Variants in AFG1L observed in about 807,000 individuals in gnomAD.
The protein encoded by AFG1L is AFG1 like ATPase.
Under a neutral mutation model 62.2 loss-of-function variants are expected in AFG1L, and 53 were observed. The observed-to-expected ratio is 0.85, with a 90% CI of 0.68 to 1.07. AFG1L has a LOEUF of 1.07. Among genes scored for constraint, AFG1L ranks in the 50% least tolerant of loss-of-function variants. The pLI is 0.00. For missense variants in AFG1L, 555 were observed against 590.5 expected, an observed-to-expected ratio of 0.94 and a Z score of 0.62; for synonymous variants, 228 against 210.3, an observed-to-expected ratio of 1.08 and a Z score of -0.73.
At chr6:108,485,765 G>C (rs1303370106) in intron 10 of AFG1L, among the ~76,000 whole-genome samples, 1 of 138,552 alleles carries the variant, frequency 7.2e-6, no homozygotes. Flanking sequence ...CAGCCCCCCA[G>C]GCTCAAGCAA....
At chr6:108,400,672 T>A (rs1781533606) in intron 6 of AFG1L, among the ~76,000 whole-genome samples, 1 of 103,032 alleles carries the variant, frequency 9.7e-6, no homozygotes, top group African/African-American at 3.8e-5. Context: ...ATAATTTATA[T>A]ATTATATATT....
chr6:108,517,550 T>C (rs929944631), intron 11 of AFG1L, among the ~76,000 whole-genome samples: 18 of 152,044 alleles, frequency 1.2e-4, no homozygotes, highest in African/African-American at 4.3e-4. Flanking sequence ...CATAAAAACC[T>C]TAGAAGAAAA....
intron 6 of AFG1L, among the ~76,000 whole-genome samples, chr6:108,377,264 T>C (rs1780289009): frequency 6.6e-6 from 1 of 152,204 alleles, no homozygotes; most frequent in Admixed American, 6.5e-5. Context: ...AATATTGATA[T>C]GTGAAGTTTT....
intron 7 of AFG1L, among the ~76,000 whole-genome samples, chr6:108,441,712 A>AAAAAATAT (rs1401294615): frequency 0.017 from 2,390 of 139,334 alleles, 88 homozygotes; most frequent in African/African-American, 0.065. Flanking sequence ...AAAAAAAAAA[A>AAAAAATAT]ATATATATAT....
intron 11 of AFG1L, among the ~76,000 whole-genome samples, chr6:108,513,759 A>G (rs1419747449): frequency 6.6e-6 from 1 of 152,198 alleles, no homozygotes; most frequent in Non-Finnish European, 1.5e-5. Flanking sequence ...AGCTTTGAAG[A>G]GAGTAGAGGT....
intron 5 of AFG1L, among the ~76,000 whole-genome samples, chr6:108,362,142 C>G (rs1284195474): frequency 6.6e-6 from 1 of 152,166 alleles, no homozygotes; most frequent in Non-Finnish European, 1.5e-5. Flanking sequence ...ATTTACAGAA[C>G]CCAAGGTATA....
chr6:108,400,930 T>C lies in AFG1L; in HGVS notation c.749-1066T>C, dbSNP rs1040741614. 8.9e-5 allele frequency among the ~76,000 whole-genome samples: 13 copies of C among 146,010 alleles called. No individual in the cohort carries two copies. In the East Asian group the frequency reaches 2.3e-3, roughly 26 times the overall value. On this transcript the variant is annotated intron_variant, in intron 6 of 12. Coordinates refer to ENST00000368977, the MANE Select transcript of AFG1L (RefSeq NM_145315.5). ...AAATACATGAGCAATTCTGTTGATG[T>C]ATTTTCTAAAAAGGCTAACCTTATT...
chr6:108,477,372 G>C (rs1773153375), intron 10 of AFG1L, 80 bp downstream of exon 10: 1 of 749,794 alleles, frequency 1.3e-6, no homozygotes, highest in Non-Finnish European at 2.1e-6. Context: ...GCCCATTTCA[G>C]ATTTTAAAAT....
intron 7 of AFG1L, among the ~76,000 whole-genome samples, chr6:108,430,438 T>C (rs1771019629): frequency 6.6e-6 from 1 of 152,196 alleles, no homozygotes; most frequent in Admixed American, 6.5e-5. Flanking sequence ...TGGTGGAAGT[T>C]TTGAACTTTT....
At chr6:108,332,625 C>G (rs1778316125) in intron 2 of AFG1L, among the ~76,000 whole-genome samples, 1 of 152,042 alleles carries the variant, frequency 6.6e-6, no homozygotes, top group Admixed American at 6.6e-5. Flanking sequence ...AATTTCTTTT[C>G]TTTTTTTCGA....
At chr6:108,389,690 A>G (rs1780958206) in intron 6 of AFG1L, among the ~76,000 whole-genome samples, 3 of 152,192 alleles carry the variant, frequency 2.0e-5, no homozygotes, top group Admixed American at 1.3e-4. Flanking sequence ...TCCTTTAAGA[A>G]TGTTGAATAT....
chr6:108,503,466 T>A (rs189502120), intron 10 of AFG1L, among the ~76,000 whole-genome samples: 125 of 152,316 alleles, frequency 8.2e-4, no homozygotes, highest in African/African-American at 2.8e-3. Context: ...TGAGCAGTAA[T>A]CTTTTGAAAG....
chr6:108,451,099 T>C (rs1772034780), intron 8 of AFG1L, among the ~76,000 whole-genome samples: 1 of 152,166 alleles, frequency 6.6e-6, no homozygotes, highest in Non-Finnish European at 1.5e-5. Context: ...TACCCCCTTG[T>C]CAGTTTCACT....
At chr6:108,452,362 G>A (rs1442703697) in intron 8 of AFG1L, among the ~76,000 whole-genome samples, 1 of 152,094 alleles carries the variant, frequency 6.6e-6, no homozygotes, top group African/African-American at 2.4e-5. Flanking sequence ...GGTTTCCTGG[G>A]GAGAGGAGTT....
chr6:108,324,158 A>G, intron 2 of AFG1L, 110 bp downstream of exon 2: 1 of 734,714 alleles, frequency 1.4e-6, no homozygotes, highest in Non-Finnish European at 2.2e-6. Context: ...AATTTTCACC[A>G]GTTCCTTTAC....
At chr6:108,430,189 C>G (rs909468416) in intron 7 of AFG1L, among the ~76,000 whole-genome samples, 4 of 152,138 alleles carry the variant, frequency 2.6e-5, no homozygotes, top group African/African-American at 9.7e-5. Context: ...CTCAAATGTT[C>G]CACCCGCCTT....
chr6:108,352,404 T>C (rs1304148211), intron 3 of AFG1L, among the ~76,000 whole-genome samples: 1 of 152,214 alleles, frequency 6.6e-6, no homozygotes, highest in African/African-American at 2.4e-5. Flanking sequence ...TACTAAAATT[T>C]GAGGATGCTC....
chr6:108,364,831 CT>C (rs1779684991), intron 5 of AFG1L, among the ~76,000 whole-genome samples: 1 of 123,478 alleles, frequency 8.1e-6, no homozygotes, highest in Non-Finnish European at 1.6e-5. Context: ...TGTAAGGAAT[CT>C]TTAGCAGTTT....
At chr6:108,354,311 T>G (rs1372132341) in intron 3 of AFG1L, among the ~76,000 whole-genome samples, 2 of 152,038 alleles carry the variant, frequency 1.3e-5, no homozygotes, top group African/African-American at 2.4e-5. Context: ...GTTTTTTTTT[T>G]GTTTTTTTGT....
Sources: gnomAD v4.1 joint callset for allele counts (sites outside exome capture counted in the v4.1 genomes callset) on GRCh38, gnomAD v4.1.1 for gene constraint, MANE v1.5 for transcripts, NCBI Gene and HGNC (gene_info 2026-07-23, HGNC 2026-07-21) for gene names.